MYOCD: variants seen among roughly 807,000 people sequenced by gnomAD.
MYOCD encodes myocardin.
A neutral mutation model predicts 96.1 loss-of-function variants in MYOCD; 32 were observed. That is an observed-to-expected ratio of 0.33 (90% CI 0.25 to 0.45). The LOEUF (loss-of-function observed/expected upper bound fraction) is 0.45, where lower values mean the gene tolerates loss of function less well. Ranked by LOEUF, MYOCD falls within the 20% of genes least tolerant of loss-of-function variation. The pLI, the probability that MYOCD is intolerant of heterozygous loss-of-function variation, is 1.00. For synonymous variants in MYOCD, 469 were observed against 469.0 expected, an observed-to-expected ratio of 1.00 and a Z score of 0.00; for missense variants, 1,133 against 1,200.6, an observed-to-expected ratio of 0.94 and a Z score of 0.83.
At chr17:12,666,371 A>G (rs1909376124) in intron 1 of MYOCD, 128 bp downstream of exon 1, 3 of 712,804 alleles carry the variant, frequency 4.2e-6, no homozygotes, top group East Asian at 2.8e-5. Context: ...CCAAAAGCAC[A>G]TTGTGGAAGC....
chr17:12,729,341 G>A lies in MYOCD; in HGVS notation c.415+6333G>A, dbSNP rs955269615. Among the ~76,000 whole-genome samples the A allele has an allele frequency of 2.6e-5, 4 of 152,200 alleles. No individual in the cohort carries two copies. In the South Asian group the frequency reaches 6.2e-4, roughly 24 times the overall value. ...GAGTGTTGGAGCGTGTGGGAGTGGC[G>A]GGAGGAAAGGGTGAGCGCTGAGAGA... On this transcript the variant is annotated intron_variant, in intron 5 of 13. Transcript: ENST00000425538.
At chr17:12,756,314 TGACACCAGGG>T (rs1400842564) in intron 10 of MYOCD, 90 bp from the exon 11 acceptor site, 23 of 1,371,248 alleles carry the variant, frequency 1.7e-5, no homozygotes, top group South Asian at 5.0e-5. Context: ...TTTGTAAAAA[TGACACCAGGG>T]GACACAGGGC....
chr17:12,693,941 G>T (rs1475469999), intron 1 of MYOCD, among the ~76,000 whole-genome samples: 1 of 152,100 alleles, frequency 6.6e-6, no homozygotes, highest in Admixed American at 6.5e-5. Context: ...AATCATGAGA[G>T]AGATTTCTGC....
In MYOCD at chr17:12,736,288, C is replaced by A. The variant is rs368720240; in HGVS notation, c.543C>A (p.Asp181Glu). The A allele has an allele frequency of 1.2e-6, 2 of 1,614,104 alleles. No individual in the cohort carries two copies. Among genetic ancestry groups the A allele is most frequent in the East Asian group, 4.5e-5 (2 of 44,894 alleles). The change falls in exon 6 of 14, where the codon GAC (aspartate) becomes GAA (glutamate). Residue 181 changes from aspartate (D) to glutamate (E), a missense_variant. Physicochemically the swap from Asp to Glu is conservative, Grantham distance 45. Coordinates refer to ENST00000425538, the MANE Select transcript of MYOCD (RefSeq NM_001146312.3). Reference protein sequence around the residue: ...DPQNSAGSPPDAKASDTPSTG... With the variant: ...DPQNSAGSPPEAKASDTPSTG... ...AAAACTCAGCGGGATCCCCGCCAGACGCTAAAGCCTCAGATACCCCTTCGA... is the reference window on the plus strand; with the variant it reads ...AAAACTCAGCGGGATCCCCGCCAGAAGCTAAAGCCTCAGATACCCCTTCGA...
At chr17:12,738,017 A>C (rs1335043528) in intron 6 of MYOCD, among the ~76,000 whole-genome samples, 1 of 152,222 alleles carries the variant, frequency 6.6e-6, no homozygotes, top group Non-Finnish European at 1.5e-5. Flanking sequence ...CAAACGGTGT[A>C]TCAGATCATT....
chr17:12,715,019 T>C (rs1355847247), intron 2 of MYOCD, among the ~76,000 whole-genome samples: 3 of 152,072 alleles, frequency 2.0e-5, no homozygotes, highest in Non-Finnish European at 2.9e-5. Context: ...ACACCCTTAG[T>C]TGCATGTTCC....
chr17:12,733,895 AATG>A (rs2032259149), intron 5 of MYOCD, among the ~76,000 whole-genome samples: 1 of 151,872 alleles, frequency 6.6e-6, no homozygotes, highest in South Asian at 2.1e-4. Context: ...AAAAGAAAGA[AATG>A]AGAAAATGTG....
At chr17:12,666,910 G>A (rs755718725) in intron 1 of MYOCD, among the ~76,000 whole-genome samples, 5 of 152,194 alleles carry the variant, frequency 3.3e-5, no homozygotes, top group Admixed American at 6.5e-5. Context: ...AGAGACGGGA[G>A]CTCTAACCGC....
intron 6 of MYOCD, among the ~76,000 whole-genome samples, chr17:12,738,933 C>T (rs1041280604): frequency 6.7e-6 from 1 of 149,186 alleles, no homozygotes; most frequent in Non-Finnish European, 1.5e-5. Context: ...AAAGTGTTCT[C>T]AGCTGGATGA....
chr17:12,749,702 C>CATATGTGTATATATATACAT (rs1188299393), intron 9 of MYOCD, among the ~76,000 whole-genome samples: 3 of 65,602 alleles, frequency 4.6e-5, no homozygotes, highest in Non-Finnish European at 7.8e-5. Flanking sequence ...TATATGTATA[C>CATATGTGTATATATATACAT]ATATGTGTAT....
chr17:12,738,547 GTA>G (rs1454259171), intron 6 of MYOCD, among the ~76,000 whole-genome samples: 1 of 151,172 alleles, frequency 6.6e-6, no homozygotes, highest in Non-Finnish European at 1.5e-5. Flanking sequence ...ACACACACAC[GTA>G]TACACCTAAC....
chr17:12,754,270 A>AT (rs1267683515), intron 10 of MYOCD, among the ~76,000 whole-genome samples: 1 of 151,600 alleles, frequency 6.6e-6, no homozygotes, highest in Non-Finnish European at 1.5e-5. Context: ...ATGCCTGGCT[A>AT]TTTTTGTATT....
intron 12 of MYOCD, chr17:12,758,445 C>T: frequency 1.6e-6 from 1 of 625,926 alleles, no homozygotes; most frequent in Non-Finnish European, 2.8e-6. Context: ...ACCAGTTCTG[C>T]CATCTGCCAG....
chr17:12,720,299 G>C (rs1359027550), intron 4 of MYOCD: 2 of 152,112 alleles, frequency 1.3e-5, no homozygotes, highest in Non-Finnish European at 2.9e-5. Flanking sequence ...AAAATCGATT[G>C]CTCTCTGCCA....
At chr17:12,734,437 C>T (rs541818497) in intron 5 of MYOCD, among the ~76,000 whole-genome samples, 1 of 151,464 alleles carries the variant, frequency 6.6e-6, no homozygotes, top group Non-Finnish European at 1.5e-5. Flanking sequence ...GAACACTTAA[C>T]CCCCTAACCC....
intron 11 of MYOCD, 64 bp from the exon 12 acceptor site, chr17:12,758,021 A>T: frequency 3.1e-6 from 4 of 1,307,650 alleles, no homozygotes; most frequent in Non-Finnish European, 4.4e-6. Flanking sequence ...TTGTTTCTAG[A>T]ACAGAAACAA....
intron 5 of MYOCD, among the ~76,000 whole-genome samples, chr17:12,735,497 A>T (rs2150702852): frequency 6.6e-6 from 1 of 152,268 alleles, no homozygotes; most frequent in Middle Eastern, 3.4e-3. Context: ...GATATGAGGA[A>T]TACAAAGAAA....
chr17:12,672,941 C>A (rs1035956889), intron 1 of MYOCD, among the ~76,000 whole-genome samples: 21 of 152,134 alleles, frequency 1.4e-4, no homozygotes, highest in African/African-American at 4.6e-4. Flanking sequence ...TAAGTTTTCC[C>A]TTCTCAACTT....
At chr17:12,707,686 C>G (rs2031342374) in intron 2 of MYOCD, among the ~76,000 whole-genome samples, 2 of 152,024 alleles carry the variant, frequency 1.3e-5, no homozygotes, top group South Asian at 4.2e-4. Context: ...TGCACTCCAG[C>G]CTGGGCAACA....
Sources: gnomAD v4.1 joint callset for allele counts (sites outside exome capture counted in the v4.1 genomes callset) on GRCh38, gnomAD v4.1.1 for gene constraint, MANE v1.5 for transcripts, NCBI Gene and HGNC (gene_info 2026-07-23, HGNC 2026-07-21) for gene names.